PSPC1: variants seen among roughly 807,000 people sequenced by gnomAD.
PSPC1 encodes paraspeckle component 1.
In PSPC1, 14 loss-of-function variants were observed where a neutral mutation model predicts 51.6. The ratio of observed to expected loss-of-function variants is 0.27; its 90% CI spans 0.18 to 0.42. The LOEUF (loss-of-function observed/expected upper bound fraction) is 0.42. Among genes scored for constraint, PSPC1 ranks in the 10% least tolerant of loss-of-function variants. The pLI is 1.00. For synonymous variants in PSPC1, 193 were observed against 231.9 expected, an observed-to-expected ratio of 0.83 and a Z score of 1.53; for missense variants, 406 against 701.1, an observed-to-expected ratio of 0.58 and a Z score of 4.75.
At chr13:19,686,385 A>G (rs1337402511) in intron 6 of PSPC1, among the ~76,000 whole-genome samples, 1 of 152,210 alleles carries the variant, frequency 6.6e-6, no homozygotes, top group East Asian at 1.9e-4. Flanking sequence ...CAGGTTGTCA[A>G]CATTTCAGTA....
intron 6 of PSPC1, among the ~76,000 whole-genome samples, chr13:19,718,351 T>C (rs1882373846): frequency 6.6e-6 from 1 of 152,200 alleles, no homozygotes; most frequent in Non-Finnish European, 1.5e-5. Context: ...AGATATATGA[T>C]TGTTAAAATG....
chr13:19,673,485 C>T (rs944602573), downstream of PSPC1: 6 of 186,396 alleles, frequency 3.2e-5, no homozygotes, highest in African/African-American at 1.2e-4. Context: ...CTTTAAAAGA[C>T]AGTAGATATT....
At chr13:19,748,456 C>T (rs1253062778) in intron 4 of PSPC1, among the ~76,000 whole-genome samples, 1 of 152,014 alleles carries the variant, frequency 6.6e-6, no homozygotes, top group African/African-American at 2.4e-5. Context: ...TGAACACACA[C>T]GATAAACAAC....
chr13:19,672,437 C>G (rs1195678156), downstream of PSPC1: 1 of 151,884 alleles, frequency 6.6e-6, no homozygotes, highest in Non-Finnish European at 1.5e-5. Flanking sequence ...AGCCACCGCA[C>G]CCAGCAAGAG....
intron 5 of PSPC1, among the ~76,000 whole-genome samples, chr13:19,736,497 C>T (rs564073438): frequency 3.0e-4 from 45 of 151,782 alleles, no homozygotes; most frequent in Non-Finnish European, 5.0e-4. Flanking sequence ...TCCTGGCTAA[C>T]ACAGTGAAAC....
chr13:19,753,162 G>C (rs1289091358), intron 3 of PSPC1, among the ~76,000 whole-genome samples: 1 of 151,150 alleles, frequency 6.6e-6, no homozygotes, highest in African/African-American at 2.4e-5. Flanking sequence ...GGGTGCCTGC[G>C]ATCCCAGCTA....
intron 6 of PSPC1, among the ~76,000 whole-genome samples, chr13:19,682,831 G>A (rs956043549): frequency 2.0e-5 from 3 of 151,976 alleles, no homozygotes; most frequent in Non-Finnish European, 4.4e-5. Context: ...GAAGGCCGAG[G>A]TGGGAGAATC....
At chr13:19,763,632 A>G (rs764412631) in intron 2 of PSPC1, among the ~76,000 whole-genome samples, 4 of 152,166 alleles carry the variant, frequency 2.6e-5, no homozygotes, top group Non-Finnish European at 4.4e-5. Context: ...TCAGTGCATC[A>G]TAGGGTTGTT....
intron 6 of PSPC1, among the ~76,000 whole-genome samples, chr13:19,721,288 T>C (rs1882737511): frequency 6.6e-6 from 1 of 152,190 alleles, no homozygotes; most frequent in Non-Finnish European, 1.5e-5. Context: ...ATAATTAAAA[T>C]TATTATTAGT....
chr13:19,772,264 C>A lies in PSPC1; in HGVS notation c.652G>T (p.Asp218Tyr). Residue 218 changes from aspartate (D) to tyrosine (Y), a missense_variant, in exon 2 of 9, where the codon GAT becomes TAT. By Grantham distance (160) the Asp-to-Tyr change is radical. Coordinates refer to ENST00000338910, the MANE Select transcript of PSPC1 (RefSeq NM_001354909.2). The stretch of plus-strand genomic sequence containing the variant: ...TACGTTGTTAGCAAGAATGCCCCAT[C>A]ACCACATCTTTCCAGAGCCTTTCGT... ...PARKALERCG[D>Y]GAFLLTTTPR... 6.2e-7 allele frequency: 1 copy of A among 1,613,908 alleles called. No homozygotes were observed. The highest frequency in any genetic ancestry group is 8.5e-7 in the Non-Finnish European group (1 of 1,179,828).
intron 7 of PSPC1, among the ~76,000 whole-genome samples, chr13:19,708,480 CA>C (rs1485768689): frequency 6.6e-6 from 1 of 152,086 alleles, no homozygotes; most frequent in Non-Finnish European, 1.5e-5. Flanking sequence ...TATGACATTT[CA>C]AATTTCAAAT....
At chr13:19,703,996 T>G (rs2137728317) in intron 8 of PSPC1, among the ~76,000 whole-genome samples, 1 of 152,316 alleles carries the variant, frequency 6.6e-6, no homozygotes, top group African/African-American at 2.4e-5. Context: ...TTTGAAAAAC[T>G]TCACAATAAT....
rs1225630714 is a variant in PSPC1 at position 19,745,993 on chromosome 13, ATTTGT to A, written c.968-4349_968-4345del. 1.2e-4 allele frequency among the ~76,000 whole-genome samples: 17 copies of A among 141,134 alleles called. 1 individual carries two copies. The highest frequency in any genetic ancestry group is 9.4e-4 in the Admixed American group (13 of 13,856). The allele number at this position is 141,134 out of a possible 152,430, so 92.6% of individuals were successfully genotyped here. Reference sequence around the variant, plus strand: ...CTTTAAGAAGGGCTCACAGCAACATATTTGTTTTGTTTTTTGTTTTTTTTTTTTTT... The same window carrying A: ...CTTTAAGAAGGGCTCACAGCAACATATTTGTTTTTTGTTTTTTTTTTTTTT... On this transcript the variant is annotated intron_variant, in intron 4 of 8. Transcript: ENST00000338910.
At chr13:19,683,086 G>T (rs1203698849) in intron 6 of PSPC1, among the ~76,000 whole-genome samples, 1 of 151,420 alleles carries the variant, frequency 6.6e-6, no homozygotes, top group Admixed American at 6.6e-5. Flanking sequence ...AAAAGAAAAA[G>T]AAAGAAAGAA....
chr13:19,677,027 G>A (rs1374623964), intron 7 of PSPC1, among the ~76,000 whole-genome samples: 1 of 152,242 alleles, frequency 6.6e-6, no homozygotes, highest in East Asian at 1.9e-4. Flanking sequence ...AAAGTCAGGA[G>A]ATCGAGACCA....
At chr13:19,713,049 G>A (rs549021799) in intron 6 of PSPC1, among the ~76,000 whole-genome samples, 2 of 152,218 alleles carry the variant, frequency 1.3e-5, no homozygotes, top group South Asian at 4.1e-4. Context: ...ATATTAATAA[G>A]AATCACTTGA....
chr13:19,724,363 C>T (rs1037454412), intron 6 of PSPC1, among the ~76,000 whole-genome samples: 8 of 151,764 alleles, frequency 5.3e-5, no homozygotes, highest in Non-Finnish European at 1.0e-4. Flanking sequence ...CAGTTTTACA[C>T]GTGCCACATC....
At chr13:19,749,253 CAGG>C (rs1300174122) in intron 4 of PSPC1, among the ~76,000 whole-genome samples, 1 of 152,056 alleles carries the variant, frequency 6.6e-6, no homozygotes, top group Non-Finnish European at 1.5e-5. Flanking sequence ...GAGGCGGAGG[CAGG>C]AGGATTACTT....
intron 5 of PSPC1, among the ~76,000 whole-genome samples, chr13:19,732,926 C>A (rs372565395): frequency 2.2e-4 from 32 of 142,906 alleles, no homozygotes; most frequent in South Asian, 4.4e-4. Context: ...GACTCCATCT[C>A]AAAAAAAAAA....
Sources: gnomAD v4.1 joint callset for allele counts (sites outside exome capture counted in the v4.1 genomes callset) on GRCh38, gnomAD v4.1.1 for gene constraint, MANE v1.5 for transcripts, NCBI Gene and HGNC (gene_info 2026-07-23, HGNC 2026-07-21) for gene names.